The following FOXP2 variants were observed in gnomAD, a reference collection of about 807,000 sequenced individuals.
FOXP2 encodes forkhead box protein P2.
Under a neutral mutation model 115.8 loss-of-function variants are expected in FOXP2, and 12 were observed. That is an observed-to-expected ratio of 0.10 (90% CI 0.07 to 0.17). The LOEUF (loss-of-function observed/expected upper bound fraction) is 0.17. FOXP2 is among the 10% of genes least tolerant of loss of function. The pLI, the probability that FOXP2 is intolerant of heterozygous loss-of-function variation, is 1.00. For missense variants in FOXP2, 629 were observed against 843.5 expected (o/e 0.75, Z 3.15); for synonymous variants, 328 against 297.7 (o/e 1.10, Z -1.05).
At chr7:114,362,445 G>A (rs969023203) in intron 2 of FOXP2, among the ~76,000 whole-genome samples, 12 of 152,130 alleles carry the variant, frequency 7.9e-5, no homozygotes, top group Middle Eastern at 3.4e-3. Context: ...TGTTTCAGAT[G>A]AATACTATGC....
intron 16 of FOXP2, among the ~76,000 whole-genome samples, chr7:114,687,684 A>G (rs982274725): frequency 2.6e-5 from 4 of 152,186 alleles, no homozygotes; most frequent in African/African-American, 9.7e-5. Flanking sequence ...TTTTAAGTAC[A>G]TATCTCTAGG....
At chr7:114,126,564 T>C (rs184072033) in intron 1 of FOXP2, among the ~76,000 whole-genome samples, 55 of 152,292 alleles carry the variant, frequency 3.6e-4, no homozygotes, top group Middle Eastern at 6.8e-3. Flanking sequence ...CAAGTTCTTA[T>C]AGTGACATGT....
At chr7:114,215,722 A>G (rs1168796516) in intron 1 of FOXP2, among the ~76,000 whole-genome samples, 2 of 151,994 alleles carry the variant, frequency 1.3e-5, no homozygotes, top group African/African-American at 2.4e-5. Context: ...AAGTTCAGTA[A>G]ATACTGAATC....
At chr7:114,525,548 A>G (rs1250351664) in intron 2 of FOXP2, among the ~76,000 whole-genome samples, 2 of 152,178 alleles carry the variant, frequency 1.3e-5, no homozygotes, top group Non-Finnish European at 2.9e-5. Flanking sequence ...ATTTCTCAGA[A>G]CAGTGATAGA....
At chr7:114,239,767 C>G (rs918587019) in intron 1 of FOXP2, among the ~76,000 whole-genome samples, 3 of 152,162 alleles carry the variant, frequency 2.0e-5, no homozygotes, top group South Asian at 2.1e-4. Flanking sequence ...AAAAAAATCT[C>G]TATAATAGTC....
At chr7:114,436,351 C>A (rs1437642372) in intron 2 of FOXP2, among the ~76,000 whole-genome samples, 2 of 151,254 alleles carry the variant, frequency 1.3e-5, no homozygotes, top group African/African-American at 4.8e-5. Flanking sequence ...TGTGTATTCC[C>A]TGCTAGATTG....
intron 2 of FOXP2, among the ~76,000 whole-genome samples, chr7:114,377,717 A>G (rs555392452): frequency 2.0e-5 from 3 of 152,212 alleles, no homozygotes; most frequent in East Asian, 1.9e-4. Context: ...TTCTTCACAT[A>G]TTTTCTTGTA....
chr7:114,517,186 TA>T (rs771949051), intron 2 of FOXP2, among the ~76,000 whole-genome samples: 1 of 152,148 alleles, frequency 6.6e-6, no homozygotes, highest in Non-Finnish European at 1.5e-5. Context: ...TCCCATTTTT[TA>T]ATCAAACTAC....
chr7:114,200,974 G>A (rs1794046198), intron 1 of FOXP2, among the ~76,000 whole-genome samples: 1 of 152,056 alleles, frequency 6.6e-6, no homozygotes, highest in African/African-American at 2.4e-5. Context: ...GGCTAACATG[G>A]TGAAACCCTG....
At chr7:114,455,561 T>A (rs1289607446) in intron 2 of FOXP2, among the ~76,000 whole-genome samples, 1 of 152,198 alleles carries the variant, frequency 6.6e-6, no homozygotes, top group African/African-American at 2.4e-5. Flanking sequence ...TAACAGCATA[T>A]GGATAATCTT....
intron 1 of FOXP2, among the ~76,000 whole-genome samples, chr7:114,264,286 G>A (rs1332675937): frequency 6.6e-6 from 1 of 151,934 alleles, no homozygotes; most frequent in Non-Finnish European, 1.5e-5. Flanking sequence ...AGTAAGTACA[G>A]ATACAGGTCA....
chr7:114,543,558 A>T (rs193122735), intron 3 of FOXP2, among the ~76,000 whole-genome samples: 1 of 151,892 alleles, frequency 6.6e-6, no homozygotes, highest in African/African-American at 2.4e-5. Flanking sequence ...ACTTTTTTAC[A>T]TTATAGGTTC....
intron 1 of FOXP2, among the ~76,000 whole-genome samples, chr7:114,228,618 C>T (rs1794798998): frequency 6.6e-6 from 1 of 151,828 alleles, no homozygotes; most frequent in African/African-American, 2.4e-5. Flanking sequence ...ACCACTTCTA[C>T]TTTATTCAAA....
In FOXP2 at chr7:114,609,212, C is replaced by CA. The variant is rs960716714; in HGVS notation, c.259-19314dup. On this transcript the variant is annotated intron_variant, in intron 3 of 16. Coordinates refer to ENST00000350908, the MANE Select transcript of FOXP2 (RefSeq NM_014491.4). ...TGGATGACAGAGTGGGACTCTGTCT[C>CA]AAAAAAAAAAAAAAGAAAGAAAGAA... 6.3e-3 allele frequency among the ~76,000 whole-genome samples: 582 copies of CA among 92,120 alleles called. 1 individual carries two copies. Among genetic ancestry groups the CA allele is most frequent in the African/African-American group, 0.014 (337 of 24,424 alleles). 60.4% of individuals were successfully genotyped at this position (92,120 alleles called of 152,430 possible).
chr7:114,478,480 T>C (rs1796384931), intron 2 of FOXP2, among the ~76,000 whole-genome samples: 3 of 151,876 alleles, frequency 2.0e-5, no homozygotes, highest in African/African-American at 7.2e-5. Context: ...GGACTTGGTC[T>C]GGTTTATCTT....
chr7:114,119,946 A>G (rs1369044422), intron 1 of FOXP2, among the ~76,000 whole-genome samples: 1 of 152,136 alleles, frequency 6.6e-6, no homozygotes, highest in Non-Finnish European at 1.5e-5. Flanking sequence ...CTTGGGTAAT[A>G]CTAATGCTGC....
At chr7:114,148,160 T>C (rs1323796394) in intron 1 of FOXP2, among the ~76,000 whole-genome samples, 1 of 152,160 alleles carries the variant, frequency 6.6e-6, no homozygotes, top group Non-Finnish European at 1.5e-5. Flanking sequence ...TAAGTAATTG[T>C]GTGAATTGCG....
chr7:114,354,464 A>G (rs1791567149), intron 2 of FOXP2, among the ~76,000 whole-genome samples: 1 of 151,890 alleles, frequency 6.6e-6, no homozygotes, highest in Non-Finnish European at 1.5e-5. Context: ...GAATAATACA[A>G]CTCCCTTTCT....
chr7:114,552,639 G>A (rs149958608), intron 3 of FOXP2, among the ~76,000 whole-genome samples: 20 of 152,138 alleles, frequency 1.3e-4, no homozygotes, highest in East Asian at 1.2e-3. Context: ...TCTGATACTC[G>A]AAGAAAAAGT....
Sources: allele counts gnomAD v4.1 joint callset (sites outside exome capture counted in the v4.1 genomes callset), GRCh38; gene constraint gnomAD v4.1.1; transcripts MANE v1.5; gene names NCBI Gene and HGNC (gene_info 2026-07-23, HGNC 2026-07-21).